DHX57: variants seen among roughly 807,000 people sequenced by gnomAD.
DHX57 encodes the protein putative ATP-dependent RNA helicase DHX57.
DHX57 carries 105 observed loss-of-function variants against 156.2 expected under a neutral mutation model. The ratio of observed to expected loss-of-function variants is 0.67; its 90% confidence interval spans 0.57 to 0.79. The LOEUF (loss-of-function observed/expected upper bound fraction) is 0.79. Ranked by LOEUF, DHX57 falls within the 30% of genes least tolerant of loss-of-function variation. The pLI is 0.00. For synonymous variants in DHX57, 704 were observed against 595.6 expected (o/e 1.18, Z -2.65); for missense variants, 1,847 against 1,661.9 (o/e 1.11, Z -1.94).
intron 22 of DHX57, among the ~76,000 whole-genome samples, chr2:38,803,632 C>A (rs940880626): frequency 6.6e-6 from 1 of 150,846 alleles, no homozygotes; most frequent in Admixed American, 6.6e-5. Context: ...GGATTATAGG[C>A]GCCTGCCACC....
chr2:38,820,457 T>C (rs1205203686), intron 17 of DHX57, among the ~76,000 whole-genome samples: 2 of 152,186 alleles, frequency 1.3e-5, no homozygotes, highest in South Asian at 2.1e-4. Flanking sequence ...TCTTTCTTTA[T>C]TCCAATAAAA....
intron 11 of DHX57, among the ~76,000 whole-genome samples, chr2:38,845,948 C>G (rs1672259740): frequency 6.6e-6 from 1 of 151,618 alleles, no homozygotes; most frequent in Non-Finnish European, 1.5e-5. Flanking sequence ...TCACTGCAAC[C>G]TCTGCCTTCC....
chr2:38,861,295 A>G lies in DHX57; in HGVS notation c.1115T>C (p.Val372Ala), dbSNP rs772539277. Residue 372 changes from valine to alanine, a missense_variant, in exon 5 of 24, where the codon GTG becomes GCG. Physicochemically the swap from Val to Ala is moderately conservative, Grantham distance 64 (BLOSUM62 0). Transcript: ENST00000457308. ...DHKYPYQAPLVAFYSTNENLP... is the reference protein window; with the variant it reads ...DHKYPYQAPLAAFYSTNENLP... ...GTTCTCATTGGTGGAATAAAATGCC[A>G]CGAGCGGAGCTTGGTAGGGATATTT... 26 of 1,614,214 alleles carry G rather than the reference A, an allele frequency of 1.6e-5. 1 individual carries two copies. In the South Asian group the frequency reaches 2.9e-4, roughly 18 times the overall value.
intron 22 of DHX57, among the ~76,000 whole-genome samples, chr2:38,805,130 A>G (rs1669879471): frequency 6.6e-6 from 1 of 152,116 alleles, no homozygotes; most frequent in Admixed American, 6.6e-5. Flanking sequence ...CTTGAGAAAC[A>G]TGCAAAACAA....
chr2:38,820,326 CTT>C (rs1297981293), intron 17 of DHX57, among the ~76,000 whole-genome samples: 1 of 146,290 alleles, frequency 6.8e-6, no homozygotes, highest in Non-Finnish European at 1.5e-5. Flanking sequence ...TTCTCTCTCT[CTT>C]TTTTTTTTTT....
chr2:38,821,493 A>G (rs1670813952), intron 17 of DHX57, among the ~76,000 whole-genome samples: 1 of 152,136 alleles, frequency 6.6e-6, no homozygotes. Flanking sequence ...CAGGAGTTAG[A>G]GATCAGCCTG....
At chr2:38,846,733 C>A (rs986164951) in intron 11 of DHX57, among the ~76,000 whole-genome samples, 2 of 151,798 alleles carry the variant, frequency 1.3e-5, no homozygotes, top group Non-Finnish European at 2.9e-5. Flanking sequence ...AGAAGAAAAT[C>A]ACTTCTTGGC....
chr2:38,809,843 T>C (rs1278232066), intron 21 of DHX57, among the ~76,000 whole-genome samples: 1 of 152,184 alleles, frequency 6.6e-6, no homozygotes, highest in African/African-American at 2.4e-5. Flanking sequence ...TGTTCAGTCA[T>C]GTCCTTTGCC....
intron 17 of DHX57, 75 bp downstream of exon 17, chr2:38,822,918 G>C: frequency 7.4e-7 from 1 of 1,355,962 alleles, no homozygotes; most frequent in Non-Finnish European, 9.6e-7. Flanking sequence ...ACATGCCCTT[G>C]ATTTCCCCCA....
chr2:38,851,764 T>A (rs1485599743), intron 9 of DHX57, among the ~76,000 whole-genome samples: 1 of 152,210 alleles, frequency 6.6e-6, no homozygotes, highest in Admixed American at 6.5e-5. Context: ...GGATATAGGT[T>A]TCCCTAAAAG....
At chr2:38,851,433 G>C (rs1233806668) in intron 9 of DHX57, among the ~76,000 whole-genome samples, 1 of 152,030 alleles carries the variant, frequency 6.6e-6, no homozygotes. Flanking sequence ...TTTGTTCCTA[G>C]ATTTTATTAG....
intron 2 of DHX57, chr2:38,867,048 ATACTCTATTTT>A (rs1665112826): frequency 1.3e-5 from 2 of 152,194 alleles, no homozygotes; most frequent in Admixed American, 6.5e-5. Flanking sequence ...TTAATCTCTT[ATACTCTATTTT>A]TACTATACCT....
chr2:38,806,276 G>A, intron 22 of DHX57: 1 of 332,940 alleles, frequency 3.0e-6, no homozygotes, highest in Non-Finnish European at 5.4e-6. Flanking sequence ...CAGATTCAGT[G>A]ATGTAATTAG....
In DHX57 at chr2:38,815,547, C is replaced by CA; in HGVS notation, c.3579dup (p.Gly1194TrpfsTer15). ...TCTTCTCCTGTGGCATCTAAGACAC[C>CA]ATCTCCTCCTTGGGCCCTTTTCTCA... is the stretch of plus-strand genomic sequence containing the variant. On this transcript the variant is annotated frameshift_variant, in exon 20 of 24. Transcript: ENST00000457308. LOFTEE classifies it high-confidence loss of function. 1 of 1,613,890 alleles carries CA rather than the reference C, an allele frequency of 6.2e-7. No individual in the cohort carries two copies. Among genetic ancestry groups the CA allele is most frequent in the Non-Finnish European group, 8.5e-7 (1 of 1,179,966 alleles).
intron 14 of DHX57, among the ~76,000 whole-genome samples, chr2:38,827,872 T>C (rs1005525000): frequency 6.6e-6 from 1 of 152,132 alleles, no homozygotes; most frequent in Non-Finnish European, 1.5e-5. Context: ...GAGAATTTTT[T>C]TGAAACGGAG....
intron 13 of DHX57, among the ~76,000 whole-genome samples, chr2:38,828,921 T>C (rs1407788526): frequency 6.6e-6 from 1 of 152,162 alleles, no homozygotes; most frequent in Non-Finnish European, 1.5e-5. Context: ...CCAAGAATTA[T>C]TAGCTAAGCT....
At chr2:38,842,955 T>A in intron 12 of DHX57, 50 bp downstream of exon 12, 1 of 1,572,378 alleles carries the variant, frequency 6.4e-7, no homozygotes, top group Non-Finnish European at 8.7e-7. Context: ...TAAGAAAGAA[T>A]ACTAGAAATC....
chr2:38,828,706 G>C (rs1572651303), intron 13 of DHX57, among the ~76,000 whole-genome samples: 2 of 148,400 alleles, frequency 1.3e-5, no homozygotes, highest in South Asian at 2.1e-4. Context: ...CTGGGCAACA[G>C]AGCAAGACCC....
intron 12 of DHX57, among the ~76,000 whole-genome samples, chr2:38,840,887 T>C (rs988827914): frequency 2.0e-5 from 3 of 152,208 alleles, no homozygotes; most frequent in Non-Finnish European, 4.4e-5. Context: ...AGTGCGATCA[T>C]AGCTCACTGC....
Sources: allele counts gnomAD v4.1 joint callset (sites outside exome capture counted in the v4.1 genomes callset), GRCh38; gene constraint gnomAD v4.1.1; transcripts MANE v1.5; gene names NCBI Gene and HGNC (gene_info 2026-07-23, HGNC 2026-07-21).